Variants in SETD5 observed in about 807,000 individuals in gnomAD.
SETD5 encodes SET domain containing 5.
In SETD5, 44 loss-of-function variants were observed where a neutral mutation model predicts 153.3. That is an observed-to-expected ratio of 0.29 (90% CI 0.23 to 0.37). The LOEUF is 0.37. Among genes scored for constraint, SETD5 ranks in the 10% least tolerant of loss-of-function variants. SETD5 has a pLI of 1.00. For missense variants in SETD5, 1,544 were observed against 1,768.0 expected (o/e 0.87, Z 2.27); for synonymous variants, 716 against 645.2 (o/e 1.11, Z -1.66).
intron 3 of SETD5, 57 bp downstream of exon 3, chr3:9,429,066 C>T: frequency 8.3e-7 from 1 of 1,211,676 alleles, no homozygotes; most frequent in Non-Finnish European, 1.2e-6. Context: ...AGACAGCCTT[C>T]TTATGGATAG....
intron 2 of SETD5, among the ~76,000 whole-genome samples, chr3:9,428,271 A>G (rs141300352): frequency 3.3e-4 from 51 of 152,360 alleles, no homozygotes; most frequent in African/African-American, 1.2e-3. Flanking sequence ...AAGAAGGAAG[A>G]GAGTGTTCAA....
intron 3 of SETD5, among the ~76,000 whole-genome samples, chr3:9,432,893 T>C (rs2125081562): frequency 6.6e-6 from 1 of 152,344 alleles, no homozygotes; most frequent in South Asian, 2.1e-4. Flanking sequence ...TAATTTTCTT[T>C]AAAGGACTGA....
chr3:9,454,069 G>A, intron 17 of SETD5: 2 of 392,892 alleles, frequency 5.1e-6, no homozygotes, highest in South Asian at 8.3e-5. Flanking sequence ...ACTAGACAGT[G>A]TACAGATAAC....
chr3:9,475,711 A>G lies in SETD5; in HGVS notation c.3949A>G (p.Thr1317Ala), dbSNP rs753452781. The part of the protein sequence containing the change: ...STDSLAPFTG[T>A]PGYFSSQPHS... ...AGACTCGTTGGCCCCATTTACGGGG[A>G]CACCAGGGTATTTTAGCAGCCAGCC... Residue 1317 changes from threonine (T) to alanine (A), a missense_variant, in exon 23 of 23, where the codon ACA becomes GCA. By Grantham distance (58) the Thr-to-Ala change is moderately conservative (BLOSUM62 0). Coordinates refer to ENST00000402198, the MANE Select transcript of SETD5 (RefSeq NM_001080517.3). 1 of 1,613,844 alleles carries G rather than the reference A, an allele frequency of 6.2e-7. No individual in the cohort carries two copies. Among genetic ancestry groups the G allele is most frequent in the Non-Finnish European group, 8.5e-7 (1 of 1,179,862 alleles).
chr3:9,443,257 G>T (rs1474036351), intron 10 of SETD5, 51 bp from the exon 11 acceptor site: 6 of 1,323,322 alleles, frequency 4.5e-6, no homozygotes, highest in African/African-American at 2.9e-5. Flanking sequence ...TCTCTCTTAC[G>T]GAAAGTTCAT....
chr3:9,439,058 T>C (rs758310692), intron 7 of SETD5, among the ~76,000 whole-genome samples: 1 of 152,206 alleles, frequency 6.6e-6, no homozygotes, highest in Non-Finnish European at 1.5e-5. Flanking sequence ...AGTACACTTA[T>C]CAAGTGTAAG....
chr3:9,474,404 T>G, intron 20 of SETD5, 45 bp from the exon 21 acceptor site: 1 of 1,599,350 alleles, frequency 6.3e-7, no homozygotes. Flanking sequence ...TCATTTGTTT[T>G]GGTTAAGTCC....
At position 9,434,533 on chromosome 3, in the gene SETD5, G is replaced by A. The variant is rs368112297; in HGVS notation, c.329+48G>A. ...TTTAAGTCTGGGTTGCTGGGATTAG[G>A]GTTTCTTACAAGTAGGGAAAAGCTC... is the stretch of plus-strand genomic sequence containing the variant. On this transcript the variant is annotated intron_variant, in intron 5 of 22. Coordinates refer to ENST00000402198, the MANE Select transcript of SETD5 (RefSeq NM_001080517.3). The surrounding 1 kb of genome is among the most constrained non-coding windows in gnomAD (Gnocchi z 5.6). 2.0e-5 allele frequency: 32 copies of A among 1,610,352 alleles called. No homozygotes were observed. The highest frequency in any genetic ancestry group is 2.7e-5 in the Non-Finnish European group (32 of 1,177,874).
At chr3:9,444,915 A>G (rs771809627) in intron 11 of SETD5, 133 bp from the exon 12 acceptor site, 3 of 1,188,090 alleles carry the variant, frequency 2.5e-6, no homozygotes, top group Non-Finnish European at 2.4e-6. Flanking sequence ...GGACTCTCTA[A>G]TGTCTCTGTT....
At chr3:9,432,013 A>G (rs1396785618) in intron 3 of SETD5, 1 of 153,644 alleles carries the variant, frequency 6.5e-6, no homozygotes, top group Non-Finnish European at 1.4e-5. Context: ...CATCATAGAA[A>G]CTAAATTATA....
intron 18 of SETD5, among the ~76,000 whole-genome samples, chr3:9,469,546 A>G (rs1308966260): frequency 6.6e-6 from 1 of 152,192 alleles, no homozygotes; most frequent in Admixed American, 6.5e-5. Context: ...CTAGTATATT[A>G]GAGATTTTCT....
chr3:9,473,391 A>T lies in SETD5; in HGVS notation c.3351A>T (p.Gly1117=). 1 of 1,613,902 alleles carries T rather than the reference A, an allele frequency of 6.2e-7. No individual in the cohort carries two copies. Among genetic ancestry groups the T allele is most frequent in the Non-Finnish European group, 8.5e-7 (1 of 1,179,868 alleles). The change falls in exon 20 of 23, where the codon GGA becomes GGT. Residue 1117 remains glycine (G), a synonymous_variant. Coordinates refer to ENST00000402198, the MANE Select transcript of SETD5 (RefSeq NM_001080517.3). ...VSDTGAHGVQ[G]SSARTPSSPH... is the part of the protein sequence containing the mutation. ...ACACTGGTGCCCATGGTGTGCAGGGATCCTCAGCCCGAACTCCATCTTCCC... is the reference window on the plus strand; with the variant it reads ...ACACTGGTGCCCATGGTGTGCAGGGTTCCTCAGCCCGAACTCCATCTTCCC...
chr3:9,437,022 GT>G, intron 7 of SETD5: 2 of 732,110 alleles, frequency 2.7e-6, no homozygotes, highest in Non-Finnish European at 4.3e-6. Context: ...TTGCCATTCA[GT>G]TTTCATAGAG....
intron 1 of SETD5, among the ~76,000 whole-genome samples, chr3:9,400,989 T>C (rs1355158876): frequency 6.6e-6 from 1 of 152,248 alleles, no homozygotes; most frequent in Non-Finnish European, 1.5e-5. Flanking sequence ...CCTATACTTT[T>C]TTCTCTCAGA....
intron 3 of SETD5, chr3:9,432,391 T>C (rs932108501): frequency 4.0e-6 from 2 of 495,360 alleles, no homozygotes; most frequent in African/African-American, 4.2e-5. Context: ...TGCACCACAT[T>C]GAACTGCACA....
At chr3:9,475,322 G>A (rs1041202381) in intron 22 of SETD5, 161 bp from the exon 23 acceptor site, 2 of 1,163,882 alleles carry the variant, frequency 1.7e-6, no homozygotes, top group Non-Finnish European at 2.4e-6. Flanking sequence ...GCCAGAAGAT[G>A]AATACGGTGA....
intron 3 of SETD5, among the ~76,000 whole-genome samples, chr3:9,432,849 C>G (rs2040129331): frequency 6.6e-6 from 1 of 152,190 alleles, no homozygotes; most frequent in Non-Finnish European, 1.5e-5. Context: ...CTAAACCAAG[C>G]TTCTCACTAA....
chr3:9,429,111 A>T, intron 3 of SETD5, 102 bp downstream of exon 3: 1 of 718,996 alleles, frequency 1.4e-6, no homozygotes, highest in Non-Finnish European at 2.3e-6. Context: ...TCTTAACCAG[A>T]TCCTATTCCA....
At chr3:9,424,335 A>ATC (rs901731356) in intron 1 of SETD5, 132 bp from the exon 2 acceptor site, 1 of 152,242 alleles carries the variant, frequency 6.6e-6, no homozygotes, top group African/African-American at 2.4e-5. Context: ...GTAGGGTGGT[A>ATC]AACGAGATAG....
Sources: allele counts gnomAD v4.1 joint callset (sites outside exome capture counted in the v4.1 genomes callset), GRCh38; gene constraint gnomAD v4.1.1; non-coding constraint Gnocchi (gnomAD v3.1); transcripts MANE v1.5; gene names NCBI Gene and HGNC (gene_info 2026-07-23, HGNC 2026-07-21).